Variants in CDH12 observed in about 807,000 individuals in gnomAD.
The protein encoded by CDH12 is cadherin-12.
In CDH12, 41 loss-of-function variants were observed where a neutral mutation model predicts 74.1. That is an observed-to-expected ratio of 0.55 (90% confidence interval 0.43 to 0.72). The LOEUF is 0.72. Ranked by LOEUF, CDH12 falls within the 30% of genes least tolerant of loss-of-function variation. The pLI is 0.00. For synonymous variants in CDH12, 399 were observed against 355.0 expected (o/e 1.12, Z -1.39); for missense variants, 945 against 977.2 (o/e 0.97, Z 0.44).
Position 22,543,582 on chromosome 5 carries a change from A to G in CDH12, c.-522-38218T>C, listed in dbSNP as rs1221077271. On this transcript the variant is annotated intron_variant, in intron 1 of 14. Coordinates refer to ENST00000382254, the MANE Select transcript of CDH12 (RefSeq NM_004061.5). ...ATATTACAACTGTACCCAAGAAGTA[A>G]ATGTTGTGATTTCTTCATTTCTGAG... Among the ~76,000 whole-genome samples, 3 of 152,160 alleles carry G rather than the reference A, an allele frequency of 2.0e-5. No homozygotes were observed. The East Asian group carries it at 5.8e-4, about 29-fold the overall frequency.
intron 5 of CDH12, among the ~76,000 whole-genome samples, chr5:22,070,308 T>C (rs1741858708): frequency 6.6e-6 from 1 of 152,158 alleles, no homozygotes. Context: ...TATGACCTTG[T>C]TATTATCTCT....
intron 3 of CDH12, among the ~76,000 whole-genome samples, chr5:22,255,412 A>G (rs533664474): frequency 2.0e-5 from 3 of 151,950 alleles, no homozygotes; most frequent in Admixed American, 6.6e-5. Context: ...TAAAATATGT[A>G]TGCTAAAAAC....
intron 3 of CDH12, among the ~76,000 whole-genome samples, chr5:22,289,572 T>C (rs1298967113): frequency 1.3e-5 from 2 of 152,046 alleles, no homozygotes; most frequent in Non-Finnish European, 2.9e-5. Context: ...TGAACAACTA[T>C]CTACAAAAAA....
chr5:22,223,296 G>T (rs529850645), intron 3 of CDH12, among the ~76,000 whole-genome samples: 3 of 152,160 alleles, frequency 2.0e-5, no homozygotes, highest in South Asian at 4.1e-4. Context: ...TGAAGTCAAG[G>T]TGTCTGTCAA....
chr5:22,808,848 C>T (rs10941969), intron 1 of CDH12, among the ~76,000 whole-genome samples: 2 of 136,164 alleles, frequency 1.5e-5, no homozygotes, highest in East Asian at 4.5e-4. Flanking sequence ...ACCTTGTGAT[C>T]TGCCTGCCTC....
chr5:22,162,150 G>A (rs1031219699), intron 4 of CDH12, among the ~76,000 whole-genome samples: 1 of 151,284 alleles, frequency 6.6e-6, no homozygotes, highest in African/African-American at 2.4e-5. Context: ...AAAATTTAGA[G>A]GCATGTCTTC....
chr5:22,391,229 C>A (rs909693428), intron 3 of CDH12, among the ~76,000 whole-genome samples: 1 of 152,094 alleles, frequency 6.6e-6, no homozygotes, highest in African/African-American at 2.4e-5. Flanking sequence ...CACATGAGAT[C>A]TGAATGGATA....
At chr5:22,347,226 T>C (rs1243302404) in intron 3 of CDH12, among the ~76,000 whole-genome samples, 2 of 152,010 alleles carry the variant, frequency 1.3e-5, no homozygotes, top group Non-Finnish European at 2.9e-5. Context: ...TTTGAGTCAG[T>C]GAACTGGGAG....
intron 6 of CDH12, among the ~76,000 whole-genome samples, chr5:21,921,030 T>A (rs1754327663): frequency 6.6e-6 from 1 of 152,238 alleles, no homozygotes; most frequent in Non-Finnish European, 1.5e-5. Context: ...AGCAGTTACA[T>A]ACAGAAAAAC....
chr5:22,217,536 A>T (rs116377263), intron 3 of CDH12, among the ~76,000 whole-genome samples: 3,859 of 151,786 alleles, frequency 0.025, 72 homozygotes, highest in African/African-American at 0.052. Context: ...TGCATTTTAG[A>T]CCTTTCTTGT....
intron 1 of CDH12, among the ~76,000 whole-genome samples, chr5:22,813,096 G>A (rs1749225993): frequency 6.6e-6 from 1 of 152,046 alleles, no homozygotes; most frequent in Non-Finnish European, 1.5e-5. Flanking sequence ...TCAAATTCAG[G>A]TTGAGGAAAA....
Position 22,642,645 on chromosome 5 carries a change from C to T in CDH12, c.-522-137281G>A, listed in dbSNP as rs143382613. Among the ~76,000 whole-genome samples the T allele has an allele frequency of 4.6e-3, 695 of 151,992 alleles. 4 individuals carry two copies. Among genetic ancestry groups the T allele is most frequent in the African/African-American group, 0.016 (655 of 41,466 alleles). On this transcript the variant is annotated intron_variant, in intron 1 of 14. Coordinates refer to ENST00000382254, the MANE Select transcript of CDH12 (RefSeq NM_004061.5). Reference sequence around the variant, plus strand: ...AGGGAGTTTAACAAAAATACATAGTCGACAATTTGACCATTTTGTTATATT... The same window carrying T: ...AGGGAGTTTAACAAAAATACATAGTTGACAATTTGACCATTTTGTTATATT...
At position 22,473,336 on chromosome 5, in the gene CDH12, A is replaced by G. The variant is rs74392331; in HGVS notation, c.-428+31934T>C. On this transcript the variant is annotated intron_variant, in intron 2 of 14. Transcript: ENST00000382254. ...TAAAGCACCTATTAACACACACTAC[A>G]TGTATTAAATATTATCTCTCTACTC... Among the ~76,000 whole-genome samples, 1,059 of 152,260 alleles carry G rather than the reference A, an allele frequency of 7.0e-3. 8 individuals are homozygous for G. Among genetic ancestry groups the G allele is most frequent in the Non-Finnish European group, 0.012 (809 of 67,988 alleles).
chr5:22,588,791 C>T (rs1350057041), intron 1 of CDH12, among the ~76,000 whole-genome samples: 1 of 152,176 alleles, frequency 6.6e-6, no homozygotes, highest in Non-Finnish European at 1.5e-5. Flanking sequence ...AATGCTCCTG[C>T]TCCCACCCAA....
intron 1 of CDH12, among the ~76,000 whole-genome samples, chr5:22,642,810 AT>A: frequency 6.6e-6 from 1 of 152,164 alleles, no homozygotes; most frequent in East Asian, 1.9e-4. Context: ...ATTAGTATAG[AT>A]AAAAATCTAT....
intron 5 of CDH12, among the ~76,000 whole-genome samples, chr5:21,998,737 C>T (rs1182125486): frequency 6.6e-6 from 1 of 151,948 alleles, no homozygotes; most frequent in African/African-American, 2.4e-5. Flanking sequence ...ACAGTGTCTT[C>T]TCGTGTGTCA....
At chr5:21,992,744 A>G (rs1189814870) in intron 5 of CDH12, among the ~76,000 whole-genome samples, 1 of 152,278 alleles carries the variant, frequency 6.6e-6, no homozygotes, top group South Asian at 2.1e-4. Context: ...GAACTTATAA[A>G]CGGAATTTCC....
At chr5:22,662,978 C>A (rs539760073) in intron 1 of CDH12, among the ~76,000 whole-genome samples, 1 of 152,252 alleles carries the variant, frequency 6.6e-6, no homozygotes, top group South Asian at 2.1e-4. Context: ...GATCCCTCTC[C>A]CATTAATAAA....
chr5:22,258,034 T>C (rs904420359), intron 3 of CDH12, among the ~76,000 whole-genome samples: 3 of 152,160 alleles, frequency 2.0e-5, no homozygotes, highest in Non-Finnish European at 4.4e-5. Context: ...ATAAATTTAG[T>C]GTAGTGTAAG....
Sources: allele counts gnomAD v4.1 joint callset (sites outside exome capture counted in the v4.1 genomes callset), GRCh38; gene constraint gnomAD v4.1.1; transcripts MANE v1.5; gene names NCBI Gene and HGNC (gene_info 2026-07-23, HGNC 2026-07-21).